YARS1: variants seen among roughly 807,000 people sequenced by gnomAD.
YARS1 encodes the protein tyrosyl-tRNA synthetase 1.
In YARS1, 36 loss-of-function variants were observed where a neutral mutation model predicts 62.2. The observed-to-expected ratio is 0.58, with a 90% CI of 0.44 to 0.76. The LOEUF (loss-of-function observed/expected upper bound fraction) is 0.76, where lower values mean the gene tolerates loss of function less well. YARS1 is among the 30% of genes least tolerant of loss of function. YARS1 has a pLI of 0.00. For synonymous variants in YARS1, 234 were observed against 244.9 expected (o/e 0.96, Z 0.42); for missense variants, 524 against 639.8 (o/e 0.82, Z 1.95).
rs1479548350 is a variant in YARS1 at position 32,797,642 on chromosome 1, CA to C, written c.591+120del. The C allele has an allele frequency of 1.3e-5, 12 of 905,602 alleles. No individual in the cohort carries two copies. The Middle Eastern group carries it at 6.4e-4, about 49-fold the overall frequency. 56.1% of individuals were successfully genotyped at this position (905,602 alleles called of 1,614,324 possible). Reference sequence around the variant, plus strand: ...CTTCTATCCTCAGTGTTCTCATCTGCAAAACAAGGAGAATATTTACCATACA... The same window carrying C: ...CTTCTATCCTCAGTGTTCTCATCTGCAAACAAGGAGAATATTTACCATACA... On this transcript the variant is annotated intron_variant, in intron 5 of 12. Coordinates refer to ENST00000373477, the MANE Select transcript of YARS1 (RefSeq NM_003680.4).
At chr1:32,777,997 T>G (rs1164531874) in intron 12 of YARS1, among the ~76,000 whole-genome samples, 1 of 151,970 alleles carries the variant, frequency 6.6e-6, no homozygotes, top group African/African-American at 2.4e-5. Flanking sequence ...AAAAAAGAGA[T>G]TCACAAAGTC....
At chr1:32,804,168 C>T (rs2148613469) in intron 4 of YARS1, among the ~76,000 whole-genome samples, 1 of 152,386 alleles carries the variant, frequency 6.6e-6, no homozygotes, top group South Asian at 2.1e-4. Flanking sequence ...ACAATCTGAT[C>T]TCTCTTTCTT....
At chr1:32,797,901 C>T (rs1359407152) in intron 4 of YARS1, 58 bp from the exon 5 acceptor site, 8 of 1,465,958 alleles carry the variant, frequency 5.5e-6, no homozygotes, top group South Asian at 1.1e-5. Flanking sequence ...GACAGAGTCT[C>T]GCTCTGTCGC....
Position 32,811,034 on chromosome 1 carries a change from C to T in YARS1, c.81G>A (p.Leu27=). The change falls in exon 2 of 13, where the codon CTG becomes CTA. Residue 27 remains leucine, a synonymous_variant. Coordinates refer to ENST00000373477, the MANE Select transcript of YARS1 (RefSeq NM_003680.4). ...GTTCCCGCTCCTTCAGTATCTCCTTCAGCTTCTCTTCCCCCAGAACCTCCT... is the reference window on the plus strand; with the variant it reads ...GTTCCCGCTCCTTCAGTATCTCCTTTAGCTTCTCTTCCCCCAGAACCTCCT... ...NLQEVLGEEK[L]KEILKERELK... The T allele has an allele frequency of 6.2e-7, 1 of 1,614,200 alleles. No individual in the cohort carries two copies. The highest frequency in any genetic ancestry group is 8.5e-7 in the Non-Finnish European group (1 of 1,180,042).
At chr1:32,817,082 G>T in intron 1 of YARS1, 106 bp downstream of exon 1, 1 of 1,423,286 alleles carries the variant, frequency 7.0e-7, no homozygotes, top group Non-Finnish European at 9.9e-7. Context: ...CTGCGCCAGC[G>T]CCGAGTCCCC....
intron 8 of YARS1, among the ~76,000 whole-genome samples, chr1:32,784,480 G>A (rs1213098797): frequency 1.3e-5 from 2 of 151,846 alleles, no homozygotes; most frequent in Non-Finnish European, 2.9e-5. Flanking sequence ...TTAGACTCTA[G>A]TCAGACCAAA....
At chr1:32,805,040 G>C (rs547057605) in intron 4 of YARS1, among the ~76,000 whole-genome samples, 1 of 152,122 alleles carries the variant, frequency 6.6e-6, no homozygotes, top group Non-Finnish European at 1.5e-5. Flanking sequence ...AGACCAGCCC[G>C]GCCAACACAG....
chr1:32,780,257 A>G lies in YARS1; in HGVS notation c.1162T>C (p.Tyr388His). 1.2e-6 allele frequency: 2 copies of G among 1,614,068 alleles called. No individual in the cohort carries two copies. Among genetic ancestry groups the G allele is most frequent in the Non-Finnish European group, 1.7e-6 (2 of 1,180,018 alleles). Reference sequence around the variant, plus strand: ...TCCCCCACGTCAATCTTCTCTACATACAGGCTGTCTGCATCTGGGTGCTGC... The same window carrying G: ...TCCCCCACGTCAATCTTCTCTACATGCAGGCTGTCTGCATCTGGGTGCTGC... Reference protein sequence around the residue: ...VEKHPDADSLYVEKIDVGEAE... With the variant: ...VEKHPDADSLHVEKIDVGEAE... The change falls in exon 11 of 13, where the codon TAT becomes CAT. Residue 388 changes from tyrosine to histidine, a missense_variant. By Grantham distance (83) the Tyr-to-His change is moderately conservative. Transcript: ENST00000373477.
rs144866833 is a variant in YARS1, at chr1:32,810,485, C to T, written c.380+106G>A. On this transcript the variant is annotated intron_variant, in intron 3 of 12. Coordinates refer to ENST00000373477, the MANE Select transcript of YARS1 (RefSeq NM_003680.4). The stretch of plus-strand genomic sequence containing the variant: ...GTTTTAAATGGTTCTTAATAGGTCA[C>T]GCCAGACAGCTTCTAATCTAAATGT... 1.6e-4 allele frequency: 237 copies of T among 1,457,194 alleles called. 1 individual carries two copies. In the East Asian group the frequency reaches 5.0e-3, roughly 31 times the overall value. The allele number at this position is 1,457,194 out of a possible 1,614,324, so 90.3% of individuals were successfully genotyped here.
At chr1:32,779,260 G>T in intron 12 of YARS1, 122 bp downstream of exon 12, 1 of 1,519,032 alleles carries the variant, frequency 6.6e-7, no homozygotes, top group Non-Finnish European at 9.1e-7. Flanking sequence ...GAAGGAGGGA[G>T]AGAGGGGCTC....
At chr1:32,785,645 C>T (rs565220828) in intron 8 of YARS1, among the ~76,000 whole-genome samples, 7 of 151,380 alleles carry the variant, frequency 4.6e-5, no homozygotes, top group Admixed American at 2.0e-4. Flanking sequence ...TACAATGGCG[C>T]GATCTCGGTT....
At chr1:32,779,945 C>T in intron 11 of YARS1, 140 bp downstream of exon 11, 1 of 933,306 alleles carries the variant, frequency 1.1e-6, no homozygotes, top group Non-Finnish European at 1.7e-6. Context: ...GTCCTTCATG[C>T]ATCAACTTTT....
chr1:32,805,886 C>T (rs1638453675), intron 4 of YARS1, among the ~76,000 whole-genome samples: 1 of 152,000 alleles, frequency 6.6e-6, no homozygotes, highest in African/African-American at 2.4e-5. Flanking sequence ...TGCTTGAACC[C>T]GGGAGGCGGA....
At chr1:32,794,768 G>A (rs1653518708) in intron 5 of YARS1, among the ~76,000 whole-genome samples, 1 of 151,760 alleles carries the variant, frequency 6.6e-6, no homozygotes, top group African/African-American at 2.4e-5. Flanking sequence ...AGCACTTTGG[G>A]AGGCCGAGGC....
At chr1:32,789,871 T>A (rs1653356684) in intron 6 of YARS1, among the ~76,000 whole-genome samples, 1 of 150,678 alleles carries the variant, frequency 6.6e-6, no homozygotes, top group African/African-American at 2.5e-5. Flanking sequence ...ATTACAGGTG[T>A]GAGCCACTGT....
chr1:32,798,644 T>TA (rs1285371269), intron 4 of YARS1, among the ~76,000 whole-genome samples: 5 of 151,772 alleles, frequency 3.3e-5, no homozygotes, highest in Non-Finnish European at 7.4e-5. Flanking sequence ...TCTCCAAAAA[T>TA]AAAAAACAAA....
intron 6 of YARS1, among the ~76,000 whole-genome samples, chr1:32,789,673 CT>C (rs751046486): frequency 1.3e-5 from 2 of 151,566 alleles, no homozygotes; most frequent in East Asian, 3.9e-4. Flanking sequence ...AGTGCAACCT[CT>C]TTCTCCTGGG....
chr1:32,806,577 C>G lies in YARS1; in HGVS notation c.415G>C (p.Val139Leu), dbSNP rs772729857. The change falls in exon 4 of 13, where the codon GTG becomes CTG. Residue 139 changes from valine to leucine, a missense_variant. Val to Leu is a conservative substitution (Grantham distance 32). Transcript: ENST00000373477. ...TTCTTGGAATCGTGCTGTGTGACCA[C>G]GGAGGAGAGTCTGTACACATCTAGT... Reference protein sequence around the residue: ...YTLDVYRLSSVVTQHDSKKAG... With the variant: ...YTLDVYRLSSLVTQHDSKKAG... 1 of 1,613,980 alleles carries G rather than the reference C, an allele frequency of 6.2e-7. No homozygotes were observed. Among genetic ancestry groups the G allele is most frequent in the African/African-American group, 1.3e-5 (1 of 74,894 alleles).
At chr1:32,807,169 G>C (rs1360978215) in intron 3 of YARS1, among the ~76,000 whole-genome samples, 2 of 152,150 alleles carry the variant, frequency 1.3e-5, no homozygotes, top group Non-Finnish European at 2.9e-5. Flanking sequence ...CACCACTCCT[G>C]CATGTCTCCC....
Sources: gnomAD v4.1 joint callset for allele counts (sites outside exome capture counted in the v4.1 genomes callset) on GRCh38, gnomAD v4.1.1 for gene constraint, MANE v1.5 for transcripts, NCBI Gene and HGNC (gene_info 2026-07-23, HGNC 2026-07-21) for gene names.